Variants in RTL4 observed in about 807,000 individuals in gnomAD.
The protein encoded by RTL4 is retrotransposon Gag like 4.
Under a neutral mutation model 5.3 loss-of-function variants are expected in RTL4, and 4 were observed. The observed-to-expected ratio is 0.75, with a 90% confidence interval of 0.37 to 1.72. The LOEUF is 1.72. RTL4 is among the 40% of genes most tolerant of loss of function. RTL4 has a pLI of 0.04. For missense variants in RTL4, 260 were observed against 227.1 expected (o/e 1.14, Z -0.93); for synonymous variants, 98 against 87.3 (o/e 1.12, Z -0.68).
chrX:112,420,233 T>C, the RTL4 span, among the ~76,000 whole-genome samples: 3 of 111,213 alleles, frequency 2.7e-5, no homozygotes, highest in South Asian at 7.7e-4. Flanking sequence ...CAAGCACAGG[T>C]GTATTTACCT....
chrX:112,182,663 C>T, the RTL4 span, among the ~76,000 whole-genome samples: 4 of 111,800 alleles, frequency 3.6e-5, no homozygotes, highest in East Asian at 1.1e-3. Context: ...AAATATGGGA[C>T]TATGTGAAAA....
chrX:112,325,922 CA>C, the RTL4 span, among the ~76,000 whole-genome samples: 6 of 111,782 alleles, frequency 5.4e-5, no homozygotes, highest in Admixed American at 4.8e-4. Flanking sequence ...GGCTAATATC[CA>C]GAATCTACAA....
chrX:112,349,243 G>T, the RTL4 span, among the ~76,000 whole-genome samples: 6 of 111,683 alleles, frequency 5.4e-5, no homozygotes, highest in South Asian at 7.5e-4. Context: ...GAATGAGTGT[G>T]ACTTTGTTTT....
the RTL4 span, among the ~76,000 whole-genome samples, chrX:112,250,778 C>T: frequency 3.6e-5 from 4 of 110,120 alleles, no homozygotes; most frequent in Non-Finnish European, 7.5e-5. Flanking sequence ...GTAACATTTA[C>T]CCCCCAGAGG....
the RTL4 span, among the ~76,000 whole-genome samples, chrX:112,415,917 C>G: frequency 9.0e-6 from 1 of 111,403 alleles, no homozygotes; most frequent in Non-Finnish European, 1.9e-5. Flanking sequence ...TTCCTAGGAC[C>G]ATGGTAACAA....
chrX:112,439,692 A>T, the RTL4 span, among the ~76,000 whole-genome samples: 1 of 111,651 alleles, frequency 9.0e-6, no homozygotes, highest in Non-Finnish European at 1.9e-5. Flanking sequence ...GAACATCTTC[A>T]TGTTGCCCTC....
chrX:112,291,659 C>T, the RTL4 span, among the ~76,000 whole-genome samples: 2 of 109,671 alleles, frequency 1.8e-5, no homozygotes, highest in East Asian at 5.7e-4. Flanking sequence ...TGCAGTGGCA[C>T]CATCTCCACT....
chrX:112,147,704 C>T, the RTL4 span, among the ~76,000 whole-genome samples: 1 of 111,902 alleles, frequency 8.9e-6, no homozygotes, highest in African/African-American at 3.3e-5. Flanking sequence ...TTTGGGAGGC[C>T]GAGATGGGTG....
the RTL4 span, among the ~76,000 whole-genome samples, chrX:112,203,944 T>C: frequency 4.6e-4 from 52 of 112,556 alleles, no homozygotes; most frequent in Non-Finnish European, 8.6e-4. Flanking sequence ...CAGCATTTTG[T>C]AGTTTTGAGT....
At chrX:112,239,449 G>A in the RTL4 span, among the ~76,000 whole-genome samples, 1 of 111,888 alleles carries the variant, frequency 8.9e-6, no homozygotes, top group South Asian at 3.8e-4. Flanking sequence ...ATGATGAGGT[G>A]TAAGGCAGAA....
the RTL4 span, among the ~76,000 whole-genome samples, chrX:112,378,658 G>GT: frequency 8.9e-6 from 1 of 111,915 alleles, no homozygotes; most frequent in Non-Finnish European, 1.9e-5. Context: ...GAATGATTTG[G>GT]TAAGGTGACA....
the RTL4 span, among the ~76,000 whole-genome samples, chrX:112,151,771 G>A: frequency 9.0e-6 from 1 of 111,617 alleles, no homozygotes; most frequent in Non-Finnish European, 1.9e-5. Flanking sequence ...TCCGTTCAAA[G>A]CAATGACTAA....
chrX:112,332,839 A>G, the RTL4 span, among the ~76,000 whole-genome samples: 12 of 111,499 alleles, frequency 1.1e-4, no homozygotes, highest in Non-Finnish European at 1.9e-4. Context: ...CAATAAAAAA[A>G]AGAAAATAAG....
At chrX:112,331,685 G>T in the RTL4 span, among the ~76,000 whole-genome samples, 9 of 104,903 alleles carry the variant, frequency 8.6e-5, no homozygotes, top group African/African-American at 3.2e-4. Context: ...TATAAATCAT[G>T]CTGCTATAAA....
the RTL4 span, among the ~76,000 whole-genome samples, chrX:112,276,613 C>T: frequency 1.7e-3 from 191 of 111,780 alleles, 5 homozygotes; most frequent in Admixed American, 0.017. Flanking sequence ...AGTATGCTAC[C>T]AGGCAGGTAG....
At chrX:112,187,392 G>A in the RTL4 span, among the ~76,000 whole-genome samples, 2 of 111,440 alleles carry the variant, frequency 1.8e-5, no homozygotes, top group Non-Finnish European at 3.8e-5. Flanking sequence ...TTCAAAATTC[G>A]TTGTGTCTTG....
chrX:112,259,822 A>G, the RTL4 span, among the ~76,000 whole-genome samples: 1 of 111,829 alleles, frequency 8.9e-6, no homozygotes, highest in Non-Finnish European at 1.9e-5. Context: ...TGCCTAATAA[A>G]ATACCAGAGC....
the RTL4 span, among the ~76,000 whole-genome samples, chrX:112,291,606 CT>C: frequency 1.0e-4 from 11 of 105,495 alleles, no homozygotes; most frequent in Admixed American, 2.0e-4. Context: ...CCCTCTAGTT[CT>C]TTTTTTTTTG....
the RTL4 span, among the ~76,000 whole-genome samples, chrX:112,327,809 T>C: frequency 7.3e-3 from 811 of 111,777 alleles, 10 homozygotes; most frequent in African/African-American, 0.025. Context: ...GCAAATCTCT[T>C]GGCAGAAACT....
Sources: allele counts gnomAD v4.1 joint callset (sites outside exome capture counted in the v4.1 genomes callset), GRCh38; gene constraint gnomAD v4.1.1; transcripts MANE v1.5; gene names NCBI Gene and HGNC (gene_info 2026-07-23, HGNC 2026-07-21).